The following TRIM62 variants were observed in gnomAD, a reference collection of about 807,000 sequenced individuals.
TRIM62 encodes the protein E3 ubiquitin-protein ligase TRIM62.
In TRIM62, 39 loss-of-function variants were observed where a neutral mutation model predicts 44.2. The observed-to-expected ratio is 0.88, with a 90% CI of 0.68 to 1.15. The LOEUF is 1.15. Ranked by LOEUF, TRIM62 falls within the 50% of genes most tolerant of loss-of-function variation. The probability of loss-of-function intolerance (pLI) is 0.00; values close to 1 mark genes in which losing one functional copy is unlikely to be tolerated. For synonymous variants in TRIM62, 278 were observed against 292.3 expected (o/e 0.95, Z 0.50); for missense variants, 544 against 665.5 (o/e 0.82, Z 2.01).
At chr1:33,153,187 G>A (rs981840689) in intron 4 of TRIM62, among the ~76,000 whole-genome samples, 1 of 152,148 alleles carries the variant, frequency 6.6e-6, no homozygotes, top group African/African-American at 2.4e-5. Flanking sequence ...GTCCCTGGGG[G>A]CACCCCTCCC....
chr1:33,162,968 AG>A (rs1645288824), intron 2 of TRIM62: 1 of 152,150 alleles, frequency 6.6e-6, no homozygotes, highest in South Asian at 2.1e-4. Flanking sequence ...CTCACTGATA[AG>A]ATTGAGATAA....
At chr1:33,179,860 C>A (rs1205260855) in intron 1 of TRIM62, among the ~76,000 whole-genome samples, 1 of 152,196 alleles carries the variant, frequency 6.6e-6, no homozygotes, top group East Asian at 1.9e-4. Context: ...TTATTTGCAA[C>A]AAAATTTCTC....
intron 4 of TRIM62, among the ~76,000 whole-genome samples, chr1:33,149,053 C>T (rs902392334): frequency 2.6e-5 from 4 of 152,190 alleles, no homozygotes; most frequent in African/African-American, 9.7e-5. Flanking sequence ...TGCAACCACC[C>T]CCAGAGGCTC....
intron 1 of TRIM62, among the ~76,000 whole-genome samples, chr1:33,172,698 G>A (rs1645383908): frequency 6.6e-6 from 1 of 152,106 alleles, no homozygotes; most frequent in Admixed American, 6.5e-5. Flanking sequence ...AGCCAGGACT[G>A]GGGCAACAGA....
In TRIM62 at chr1:33,147,651, A is replaced by C. The variant is rs754613013; in HGVS notation, c.954T>G (p.Ala318=). The C allele has an allele frequency of 1.9e-6, 3 of 1,613,834 alleles. No homozygotes were observed. The highest frequency in any genetic ancestry group is 2.5e-6 in the Non-Finnish European group (3 of 1,180,058). The change falls in exon 5 of 5, where the codon GCT becomes GCG. Residue 318 remains alanine (A), a synonymous_variant. Coordinates refer to ENST00000291416, the MANE Select transcript of TRIM62 (RefSeq NM_018207.3). This position sits in a 1 kb window ranked among gnomAD's most constrained non-coding sequence, Gnocchi z 8.1. ...GTGGCTGTGGGTGCAAGTTGCCGTA[A>C]GCCACAATGGTGCAGTCGTCCGACA... ...LILSDDCTIV[A]YGNLHPQPLQ... is the part of the protein sequence containing the mutation.
intron 2 of TRIM62, among the ~76,000 whole-genome samples, chr1:33,162,036 C>T (rs986840249): frequency 5.9e-5 from 9 of 152,288 alleles, no homozygotes; most frequent in Admixed American, 2.0e-4. Context: ...ACAGTCTCCC[C>T]AACACATCCC....
At chr1:33,175,203 C>G (rs1645409166) in intron 1 of TRIM62, among the ~76,000 whole-genome samples, 1 of 143,990 alleles carries the variant, frequency 6.9e-6, no homozygotes, top group South Asian at 2.1e-4. Context: ...GAATGCCCAG[C>G]TAATTTTTTT....
At chr1:33,180,124 A>C (rs766036870) in intron 1 of TRIM62, among the ~76,000 whole-genome samples, 3 of 152,108 alleles carry the variant, frequency 2.0e-5, no homozygotes, top group Non-Finnish European at 4.4e-5. Context: ...GACCGATTAG[A>C]GTTCTATGCC....
In TRIM62 at chr1:33,159,777, C is replaced by T. The variant is rs1170608167; in HGVS notation, c.672G>A (p.Lys224=). The T allele has an allele frequency of 6.2e-7, 1 of 1,613,694 alleles. No homozygotes were observed. Among genetic ancestry groups the T allele is most frequent in the Non-Finnish European group, 8.5e-7 (1 of 1,179,984 alleles). The change falls in exon 3 of 5, where the codon AAG becomes AAA. Residue 224 remains lysine, a synonymous_variant. Transcript: ENST00000291416. The surrounding 1 kb of genome is among the most constrained non-coding windows in gnomAD (Gnocchi z 4.2). ...KVQRYSQQLR[K]VQEGAQILQE... ...GCAGGATCTGGGCTCCCTCCTGGACCTTGCGCAGCTGCTGGCTGTAGCGCT... is the reference window on the plus strand; with the variant it reads ...GCAGGATCTGGGCTCCCTCCTGGACTTTGCGCAGCTGCTGGCTGTAGCGCT...
At chr1:33,178,886 AG>A (rs2147992006) in intron 1 of TRIM62, among the ~76,000 whole-genome samples, 2 of 152,364 alleles carry the variant, frequency 1.3e-5, no homozygotes, top group South Asian at 4.1e-4. Context: ...AGAGTACAGA[AG>A]CCCAACATAC....
Position 33,159,800 on chromosome 1 carries a change from G to A in TRIM62, c.649C>T (p.Arg217Cys), listed in dbSNP as rs371395301. The change falls in exon 3 of 5, where the codon CGC (arginine) becomes TGC (cysteine). Residue 217 changes from arginine (R) to cysteine (C), a missense_variant. By Grantham distance (180) the Arg-to-Cys change is radical. Transcript: ENST00000291416. The surrounding 1 kb of genome is among the most constrained non-coding windows in gnomAD (Gnocchi z 4.2). ...TLTDIEQKVQRYSQQLRKVQE... is the reference protein window; with the variant it reads ...TLTDIEQKVQCYSQQLRKVQE... Reference sequence around the variant, plus strand: ...ACCTTGCGCAGCTGCTGGCTGTAGCGCTGGACTTTCTGCTCGATGTCGGTC... The same window carrying A: ...ACCTTGCGCAGCTGCTGGCTGTAGCACTGGACTTTCTGCTCGATGTCGGTC... 143 of 1,613,708 alleles carry A rather than the reference G, an allele frequency of 8.9e-5. 1 individual carries two copies. In the East Asian group the frequency reaches 1.6e-3, roughly 18 times the overall value.
At position 33,158,322 on chromosome 1, in the gene TRIM62, G is replaced by T. The variant is rs778849716; in HGVS notation, c.808C>A (p.Pro270Thr). ...HETNLTYEDFPTSKYTGPLQY... is the reference protein window; with the variant it reads ...HETNLTYEDFTTSKYTGPLQY... ...AGGGGGCCTGTGTACTTGGAGGTCG[G>T]GAAGTCTTCATATGTGAGGTTGGTC... The change falls in exon 4 of 5, where the codon CCG becomes ACG. Residue 270 changes from proline (P) to threonine (T), a missense_variant. Transcript: ENST00000291416. 3.5e-5 allele frequency: 57 copies of T among 1,613,908 alleles called. No individual in the cohort carries two copies. The African/African-American group carries it at 6.7e-4, about 19-fold the overall frequency.
rs34764898 is a variant in TRIM62 at position 33,177,051 on chromosome 1, G to GCA, written c.408+3972_408+3973dup. ...CACACATACACATGCACACACACAC[G>GCA]CACACACACACACATGCACACACAC... On this transcript the variant is annotated intron_variant, in intron 1 of 4. Coordinates refer to ENST00000291416, the MANE Select transcript of TRIM62 (RefSeq NM_018207.3). This position sits in a 1 kb window ranked among gnomAD's most constrained non-coding sequence, Gnocchi z 4.1. Among the ~76,000 whole-genome samples, 33 of 12,864 alleles carry GCA rather than the reference G, an allele frequency of 2.6e-3. No homozygotes were observed. The highest frequency in any genetic ancestry group is 4.2e-3 in the Non-Finnish European group (25 of 5,892). 8.4% of individuals were successfully genotyped at this position (12,864 alleles called of 152,430 possible).
chr1:33,174,532 G>A (rs545157113), intron 1 of TRIM62, among the ~76,000 whole-genome samples: 1 of 152,140 alleles, frequency 6.6e-6, no homozygotes, highest in Non-Finnish European at 1.5e-5. Flanking sequence ...ATGGGGCAAT[G>A]AGATCCATCT....
intron 1 of TRIM62, among the ~76,000 whole-genome samples, chr1:33,179,043 G>C (rs679602): frequency 1.3e-5 from 2 of 152,094 alleles, no homozygotes; most frequent in African/African-American, 2.4e-5. Context: ...CTGTCTGGAA[G>C]TGTGGCCTTG....
At chr1:33,166,704 C>T (rs974878843) in intron 1 of TRIM62, among the ~76,000 whole-genome samples, 6 of 152,200 alleles carry the variant, frequency 3.9e-5, no homozygotes, top group African/African-American at 9.6e-5. Context: ...CCAGGTGACA[C>T]GTTTTCTACC....
At chr1:33,156,500 T>TA (rs1464451321) in intron 4 of TRIM62, among the ~76,000 whole-genome samples, 16 of 152,202 alleles carry the variant, frequency 1.1e-4, no homozygotes, top group Non-Finnish European at 1.2e-4. Flanking sequence ...TTCCAGGACA[T>TA]ACCTGGGTTG....
intron 1 of TRIM62, among the ~76,000 whole-genome samples, chr1:33,170,207 G>A (rs2124744579): frequency 6.6e-6 from 1 of 152,172 alleles, no homozygotes; most frequent in South Asian, 2.1e-4. Flanking sequence ...GTGGATGCCT[G>A]TAATTCCAGC....
chr1:33,158,180 G>C (rs541740605), intron 4 of TRIM62, 73 bp downstream of exon 4: 1 of 1,409,144 alleles, frequency 7.1e-7, no homozygotes, highest in East Asian at 2.3e-5. Flanking sequence ...CCCATGCTGT[G>C]TTTAGGACAG....
Sources: gnomAD v4.1 joint callset for allele counts (sites outside exome capture counted in the v4.1 genomes callset) on GRCh38, gnomAD v4.1.1 for gene constraint, Gnocchi (gnomAD v3.1) non-coding constraint, MANE v1.5 for transcripts, NCBI Gene and HGNC (gene_info 2026-07-23, HGNC 2026-07-21) for gene names.